Variants in RELN observed in about 807,000 individuals in gnomAD.
RELN encodes reelin.
Under a neutral mutation model 427.6 loss-of-function variants are expected in RELN, and 108 were observed. That is an observed-to-expected ratio of 0.25 (90% CI 0.22 to 0.30). The LOEUF (loss-of-function observed/expected upper bound fraction) is 0.30. Ranked by LOEUF, RELN falls within the 10% of genes least tolerant of loss-of-function variation. The probability of loss-of-function intolerance (pLI) is 1.00; values close to 1 mark genes in which losing one functional copy is unlikely to be tolerated. For missense variants in RELN, 3,715 were observed against 4,302.8 expected (o/e 0.86, Z 3.82); for synonymous variants, 1,524 against 1,513.4 (o/e 1.01, Z -0.16).
chr7:103,805,608 T>A (rs969352887), intron 3 of RELN, among the ~76,000 whole-genome samples: 3 of 152,192 alleles, frequency 2.0e-5, no homozygotes, highest in African/African-American at 7.2e-5. Context: ...TCTAACTGGA[T>A]TGTAATCTGA....
At chr7:103,932,432 T>C (rs991930633) in intron 1 of RELN, among the ~76,000 whole-genome samples, 5 of 152,156 alleles carry the variant, frequency 3.3e-5, no homozygotes, top group South Asian at 2.1e-4. Flanking sequence ...ACAACAACCA[T>C]TGGGAACTGG....
intron 4 of RELN, among the ~76,000 whole-genome samples, chr7:103,759,082 T>C (rs1029681962): frequency 4.6e-5 from 7 of 152,086 alleles, no homozygotes; most frequent in Non-Finnish European, 1.0e-4. Context: ...ATCACTGTTT[T>C]TAGAAGGTAC....
intron 3 of RELN, among the ~76,000 whole-genome samples, chr7:103,790,411 T>A (rs1452570401): frequency 6.6e-6 from 1 of 152,194 alleles, no homozygotes; most frequent in Non-Finnish European, 1.5e-5. Context: ...TTCTATATAA[T>A]TTTAAATAAT....
At chr7:103,672,559 A>C (rs1015951259) in intron 11 of RELN, among the ~76,000 whole-genome samples, 4 of 152,192 alleles carry the variant, frequency 2.6e-5, no homozygotes, top group Non-Finnish European at 5.9e-5. Context: ...GAAGTAGTAC[A>C]TCTCTTTTAA....
intron 1 of RELN, among the ~76,000 whole-genome samples, chr7:103,935,785 T>G (rs767647119): frequency 6.6e-6 from 1 of 152,190 alleles, no homozygotes; most frequent in Non-Finnish European, 1.5e-5. Context: ...GTTCTGGAGT[T>G]CAGAGACATC....
intron 20 of RELN, among the ~76,000 whole-genome samples, chr7:103,623,911 T>C (rs1832271598): frequency 6.6e-6 from 1 of 152,186 alleles, no homozygotes; most frequent in South Asian, 2.1e-4. Flanking sequence ...CTGATGGTCC[T>C]TATAACCTAC....
intron 2 of RELN, among the ~76,000 whole-genome samples, chr7:103,879,840 A>C (rs1245535497): frequency 1.3e-5 from 2 of 152,176 alleles, no homozygotes; most frequent in Non-Finnish European, 2.9e-5. Context: ...CACTGGTAGG[A>C]AAAATAAAAA....
intron 2 of RELN, among the ~76,000 whole-genome samples, chr7:103,885,544 C>G (rs778191766): frequency 6.6e-6 from 1 of 152,052 alleles, no homozygotes. Context: ...ACAATGAGAA[C>G]ACATGGACAC....
chr7:103,799,532 C>T (rs1792392657), intron 3 of RELN, among the ~76,000 whole-genome samples: 2 of 152,142 alleles, frequency 1.3e-5, no homozygotes, highest in Admixed American at 6.6e-5. Context: ...CACATGCTGT[C>T]CAATTATGTC....
chr7:103,813,962 C>T (rs1196223847), intron 3 of RELN, among the ~76,000 whole-genome samples: 1 of 152,124 alleles, frequency 6.6e-6, no homozygotes. Flanking sequence ...TATTCATGGA[C>T]CCCACATGAC....
chr7:103,556,863 G>C (rs1200203289), intron 38 of RELN, 114 bp downstream of exon 38: 9 of 865,732 alleles, frequency 1.0e-5, no homozygotes, highest in African/African-American at 6.6e-5. Context: ...TAAAATGTGT[G>C]TGCTGTGGAC....
chr7:103,963,515 T>C (rs1430420340), intron 1 of RELN, among the ~76,000 whole-genome samples: 2 of 152,174 alleles, frequency 1.3e-5, no homozygotes, highest in African/African-American at 4.8e-5. Flanking sequence ...ATTTCAACCA[T>C]CCCTGGGCAG....
rs370577041 is a variant in RELN, at chr7:103,906,044, G to C, written c.337+11031C>G. ...GAGCTGGAATTTTGAAGCTGTGTGT[G>C]GGTTATTTTAATTAGTGCAAGGGGG... On this transcript the variant is annotated intron_variant, in intron 2 of 64. Coordinates refer to ENST00000428762, the MANE Select transcript of RELN (RefSeq NM_005045.4). Among the ~76,000 whole-genome samples the C allele has an allele frequency of 7.8e-4, 118 of 152,232 alleles. 1 individual carries two copies. Among genetic ancestry groups the C allele is most frequent in the Middle Eastern group, 3.4e-3 (1 of 294 alleles).
chr7:103,844,924 T>C (rs762429418), intron 2 of RELN, among the ~76,000 whole-genome samples: 1 of 152,204 alleles, frequency 6.6e-6, no homozygotes, highest in Non-Finnish European at 1.5e-5. Context: ...AGATCACTCA[T>C]GCTGAGCATG....
intron 4 of RELN, among the ~76,000 whole-genome samples, chr7:103,761,260 A>G (rs1052063992): frequency 6.6e-6 from 1 of 152,204 alleles, no homozygotes; most frequent in African/African-American, 2.4e-5. Context: ...ATTTATTCCA[A>G]TAGGAGCTAT....
chr7:103,863,080 A>G (rs1794108830), intron 2 of RELN, among the ~76,000 whole-genome samples: 1 of 152,150 alleles, frequency 6.6e-6, no homozygotes, highest in Non-Finnish European at 1.5e-5. Flanking sequence ...ATCTACTATT[A>G]AGACAATAAA....
chr7:103,977,993 A>T (rs544679304), intron 1 of RELN, among the ~76,000 whole-genome samples: 1 of 152,344 alleles, frequency 6.6e-6, no homozygotes, highest in East Asian at 1.9e-4. Flanking sequence ...TTCTGATTAC[A>T]AATGTTTCTT....
chr7:103,872,044 TTTTTTTTC>T (rs371626354), intron 2 of RELN, among the ~76,000 whole-genome samples: 19,296 of 99,204 alleles, frequency 0.19, 1,514 homozygotes, highest in South Asian at 0.38. Flanking sequence ...TTCTTTTTTC[TTTTTTTTC>T]TTTTTTTATT....
intron 10 of RELN, among the ~76,000 whole-genome samples, chr7:103,689,056 T>C (rs1261348243): frequency 6.6e-6 from 1 of 152,100 alleles, no homozygotes; most frequent in Non-Finnish European, 1.5e-5. Context: ...TTGATATTAG[T>C]TTGCAAAATT....
Sources: allele counts gnomAD v4.1 joint callset (sites outside exome capture counted in the v4.1 genomes callset), GRCh38; gene constraint gnomAD v4.1.1; transcripts MANE v1.5; gene names NCBI Gene and HGNC (gene_info 2026-07-23, HGNC 2026-07-21).